Variants in SKI observed in about 807,000 individuals in gnomAD.
SKI encodes the protein SKI proto-oncogene.
SKI carries 23 observed loss-of-function variants against 59.3 expected under a neutral mutation model. The observed-to-expected ratio is 0.39, with a 90% CI of 0.28 to 0.55. SKI has a LOEUF of 0.55. Among genes scored for constraint, SKI ranks in the 20% least tolerant of loss-of-function variants. The probability of loss-of-function intolerance (pLI) is 0.67; values close to 1 mark genes in which losing one functional copy is unlikely to be tolerated. For missense variants in SKI, 1,017 were observed against 1,038.9 expected (o/e 0.98, Z 0.29); for synonymous variants, 673 against 488.6 (o/e 1.38, Z -4.98).
chr1:2,233,909 G>C (rs975192666), intron 1 of SKI, among the ~76,000 whole-genome samples: 3 of 152,206 alleles, frequency 2.0e-5, no homozygotes, highest in Non-Finnish European at 4.4e-5. Flanking sequence ...TTGGGGCTGT[G>C]CTCTCCCAGA....
At chr1:2,306,510 G>A (rs773839211) in intron 6 of SKI, 67 bp from the exon 7 acceptor site, 234 of 1,476,012 alleles carry the variant, frequency 1.6e-4, no homozygotes, top group Non-Finnish European at 2.0e-4. Context: ...GCCTCGGGTG[G>A]GGGAAGCAGC....
rs113737327 is a variant in SKI at position 2,229,054 on chromosome 1, C to T, written c.288C>T (p.Arg96=). ...LPGPFFMPSD[R]STERCETVLE... is the part of the protein sequence containing the mutation. ...GGCCCTTCTTCATGCCGTCCGACCG[C>T]TCCACCGAGCGCTGCGAGACCGTAC... Residue 96 remains arginine (R), a synonymous_variant, in exon 1 of 7, where the codon CGC becomes CGT. Coordinates refer to ENST00000378536, the MANE Select transcript of SKI (RefSeq NM_003036.4). The surrounding 1 kb of genome is among the most constrained non-coding windows in gnomAD (Gnocchi z 6.3). 6.2e-7 allele frequency: 1 copy of T among 1,605,658 alleles called. No homozygotes were observed.
chr1:2,236,669 T>C (rs550432309), intron 1 of SKI, among the ~76,000 whole-genome samples: 1 of 152,300 alleles, frequency 6.6e-6, no homozygotes, highest in African/African-American at 2.4e-5. Context: ...CCTCCCAAAG[T>C]GTTGGGATTA....
chr1:2,271,431 G>C (rs1338699236), intron 1 of SKI, among the ~76,000 whole-genome samples: 1 of 152,082 alleles, frequency 6.6e-6, no homozygotes, highest in Non-Finnish European at 1.5e-5. Context: ...TGTCACCCCT[G>C]GGAGCCCCCT....
chr1:2,289,575 C>T (rs1298553407), intron 1 of SKI, among the ~76,000 whole-genome samples: 1 of 38,882 alleles, frequency 2.6e-5, no homozygotes, highest in African/African-American at 1.3e-4. Context: ...GAACCAAGAT[C>T]GTGGGGGTGG....
At chr1:2,242,550 C>T (rs1638902315) in intron 1 of SKI, among the ~76,000 whole-genome samples, 2 of 152,192 alleles carry the variant, frequency 1.3e-5, no homozygotes, top group South Asian at 4.1e-4. Context: ...GACAAGGTCT[C>T]GCTCTGTCAT....
chr1:2,251,031 G>A (rs260512), intron 1 of SKI, among the ~76,000 whole-genome samples: 82,480 of 152,074 alleles, frequency 0.54, 22,841 homozygotes, highest in East Asian at 0.83. Flanking sequence ...TGTCCCCATG[G>A]ACTTTATCCG....
chr1:2,257,366 C>T (rs992353118), intron 1 of SKI, among the ~76,000 whole-genome samples: 2 of 152,260 alleles, frequency 1.3e-5, no homozygotes, highest in Non-Finnish European at 2.9e-5. Context: ...CCTGGGAGCC[C>T]GCGGATGGCT....
intron 1 of SKI, among the ~76,000 whole-genome samples, chr1:2,253,058 T>C (rs954328933): frequency 1.3e-5 from 2 of 149,816 alleles, no homozygotes; most frequent in Non-Finnish European, 3.0e-5. Flanking sequence ...GTCATGCCAC[T>C]GTACTGCAGC....
chr1:2,286,493 T>G (rs1390257816), intron 1 of SKI, among the ~76,000 whole-genome samples: 1 of 152,220 alleles, frequency 6.6e-6, no homozygotes, highest in African/African-American at 2.4e-5. Context: ...AGACCTTGTC[T>G]CTTTAAAAAA....
chr1:2,247,689 G>A (rs1326235980), intron 1 of SKI, among the ~76,000 whole-genome samples: 1 of 152,198 alleles, frequency 6.6e-6, no homozygotes. Flanking sequence ...TGCTGGCTTG[G>A]CCTTGACTTT....
At chr1:2,305,194 C>G (rs572465244) in intron 5 of SKI, among the ~76,000 whole-genome samples, 1 of 152,372 alleles carries the variant, frequency 6.6e-6, no homozygotes, top group Non-Finnish European at 1.5e-5. Flanking sequence ...GGTTCTCACG[C>G]TGCAGCTCCG....
rs1370237820 is a variant in SKI at position 2,268,085 on chromosome 1, G to T, written c.970-34893G>T. Among the ~76,000 whole-genome samples the T allele has an allele frequency of 6.6e-6, 1 of 152,212 alleles. No individual in the cohort carries two copies. The highest frequency in any genetic ancestry group is 1.5e-5 in the Non-Finnish European group (1 of 68,008). ...CTCCCAACAGCACTGCGTGGAGCTG[G>T]TGCCCACCCCTGTGGTCAGATGCAT... On this transcript the variant is annotated intron_variant, in intron 1 of 6. Transcript: ENST00000378536. The surrounding 1 kb of genome is among the most constrained non-coding windows in gnomAD (Gnocchi z 5.0).
At chr1:2,299,751 AT>A (rs1640378401) in intron 1 of SKI, among the ~76,000 whole-genome samples, 1 of 152,184 alleles carries the variant, frequency 6.6e-6, no homozygotes, top group Non-Finnish European at 1.5e-5. Flanking sequence ...CGCCCTGAGC[AT>A]CTGCACGTGT....
chr1:2,297,349 A>G (rs564181950), intron 1 of SKI, among the ~76,000 whole-genome samples: 45 of 152,338 alleles, frequency 3.0e-4, no homozygotes, highest in African/African-American at 9.9e-4. Context: ...ACCTCAGCGT[A>G]GCAGAGTGTT....
intron 1 of SKI, among the ~76,000 whole-genome samples, chr1:2,299,777 T>C (rs532417104): frequency 1.3e-5 from 2 of 152,152 alleles, no homozygotes; most frequent in African/African-American, 4.8e-5. Flanking sequence ...CAGGAAAGGG[T>C]CCCCAAGGCC....
At chr1:2,245,462 G>C (rs1638971885) in intron 1 of SKI, among the ~76,000 whole-genome samples, 2 of 152,130 alleles carry the variant, frequency 1.3e-5, no homozygotes. Flanking sequence ...CTGGATCATT[G>C]ATCATTCTAT....
rs773512836 is a variant in SKI at position 2,303,372 on chromosome 1, C to T, written c.1183C>T (p.Pro395Ser). The T allele has an allele frequency of 2.5e-6, 4 of 1,613,514 alleles. No homozygotes were observed. The highest frequency in any genetic ancestry group is 1.7e-6 in the Non-Finnish European group (2 of 1,180,000). ...AVSASEKELS[P>S]HLPALIRDSF... Reference sequence around the variant, plus strand: ...GTCAGCGAGTGAGAAAGAGCTCTCCCCACACCTCCCGGCCCTCATCCGAGA... The same window carrying T: ...GTCAGCGAGTGAGAAAGAGCTCTCCTCACACCTCCCGGCCCTCATCCGAGA... Residue 395 changes from proline (P) to serine (S), a missense_variant, in exon 3 of 7, where the codon CCA becomes TCA. Coordinates refer to ENST00000378536, the MANE Select transcript of SKI (RefSeq NM_003036.4). This position sits in a 1 kb window ranked among gnomAD's most constrained non-coding sequence, Gnocchi z 5.6.
chr1:2,293,159 T>G (rs1224317285), intron 1 of SKI, among the ~76,000 whole-genome samples: 2 of 152,080 alleles, frequency 1.3e-5, no homozygotes, highest in Admixed American at 1.3e-4. Context: ...CAGGCCAGTG[T>G]GAGCTGGGGG....
Sources: gnomAD v4.1 joint callset for allele counts (sites outside exome capture counted in the v4.1 genomes callset) on GRCh38, gnomAD v4.1.1 for gene constraint, Gnocchi (gnomAD v3.1) non-coding constraint, MANE v1.5 for transcripts, NCBI Gene and HGNC (gene_info 2026-07-23, HGNC 2026-07-21) for gene names.